Variants in LYRM4 observed in about 807,000 individuals in gnomAD.
The protein encoded by LYRM4 is LYR motif-containing protein 4.
In LYRM4, 9 loss-of-function variants were observed where a neutral mutation model predicts 11.7. The observed-to-expected ratio is 0.77, with a 90% confidence interval of 0.46 to 1.34. The LOEUF (loss-of-function observed/expected upper bound fraction) is 1.34, where lower values mean the gene tolerates loss of function less well. Ranked by LOEUF, LYRM4 falls within the 40% of genes most tolerant of loss-of-function variation. LYRM4 has a pLI of 0.00. For synonymous variants in LYRM4, 42 were observed against 40.4 expected (o/e 1.04, Z -0.15); for missense variants, 133 against 112.5 (o/e 1.18, Z -0.82).
the LYRM4 span, among the ~76,000 whole-genome samples, chr6:5,054,744 A>G: frequency 2.6e-5 from 4 of 152,274 alleles, no homozygotes; most frequent in Admixed American, 2.6e-4. Context: ...ACTGACCAAC[A>G]TTAACATTGA....
intron 1 of LYRM4, among the ~76,000 whole-genome samples, chr6:5,250,531 TG>T (rs200920366): frequency 0.021 from 3,207 of 152,220 alleles, 101 homozygotes; most frequent in African/African-American, 0.072. Flanking sequence ...GAGAAAAAAA[TG>T]TTTTTTGGAA....
intron 2 of LYRM4, chr6:5,187,126 G>T: frequency 1.5e-6 from 1 of 666,528 alleles, no homozygotes; most frequent in South Asian, 6.7e-5. Flanking sequence ...CATGCTAATA[G>T]CACAAAATAT....
chr6:5,139,225 C>T (rs1757276231), intron 2 of LYRM4, among the ~76,000 whole-genome samples: 1 of 152,212 alleles, frequency 6.6e-6, no homozygotes, highest in Admixed American at 6.5e-5. Flanking sequence ...CAGCCCAGTG[C>T]CTCTGATCTT....
intron 2 of LYRM4, among the ~76,000 whole-genome samples, chr6:5,159,344 G>A (rs1758614470): frequency 3.3e-5 from 5 of 152,232 alleles, no homozygotes; most frequent in Admixed American, 3.3e-4. Context: ...CTGAGTCATA[G>A]TGAGAGGGAA....
At chr6:5,090,446 G>A in the LYRM4 span, among the ~76,000 whole-genome samples, 1 of 152,216 alleles carries the variant, frequency 6.6e-6, no homozygotes, top group East Asian at 1.9e-4. The surrounding 1 kb of genome is among the most constrained non-coding windows in gnomAD (Gnocchi z 4.8). Context: ...GCTCCAGGAA[G>A]TGTACGGTGG....
intron 2 of LYRM4, among the ~76,000 whole-genome samples, chr6:5,169,527 T>C (rs1168758162): frequency 6.6e-6 from 1 of 152,216 alleles, no homozygotes; most frequent in Non-Finnish European, 1.5e-5. Context: ...GCATGGGTTC[T>C]AAGGTTACAA....
the LYRM4 span, among the ~76,000 whole-genome samples, chr6:5,091,080 C>T: frequency 6.6e-6 from 1 of 152,188 alleles, no homozygotes; most frequent in Non-Finnish European, 1.5e-5. Flanking sequence ...AAAGAATATG[C>T]TGTGACTTGT....
At chr6:5,083,165 CCTT>C in the LYRM4 span, among the ~76,000 whole-genome samples, 1 of 152,228 alleles carries the variant, frequency 6.6e-6, no homozygotes, top group Admixed American at 6.5e-5. Flanking sequence ...TCCCTCACCT[CCTT>C]CTCTGTCCTG....
the LYRM4 span, among the ~76,000 whole-genome samples, chr6:5,075,173 G>A: frequency 6.6e-6 from 1 of 152,168 alleles, no homozygotes; most frequent in East Asian, 1.9e-4. Context: ...CTGCAGAACC[G>A]TGATCCAGTT....
At chr6:5,098,463 A>G in the LYRM4 span, among the ~76,000 whole-genome samples, 1 of 152,168 alleles carries the variant, frequency 6.6e-6, no homozygotes, top group Non-Finnish European at 1.5e-5. Context: ...CCATTTACAC[A>G]TACCCTCGGA....
In LYRM4 at chr6:5,144,385, T is replaced by C. The variant is rs1326304653; in HGVS notation, c.208-34894A>G. The C allele has an allele frequency of 1.2e-5, 13 of 1,097,242 alleles. No individual in the cohort carries two copies. The Admixed American group carries it at 1.3e-4, about 11-fold the overall frequency. The allele number at this position is 1,097,242 out of a possible 1,614,324, so 68.0% of individuals were successfully genotyped here. On this transcript the variant is annotated intron_variant, in intron 2 of 2. Coordinates refer to ENST00000330636, the MANE Select transcript of LYRM4 (RefSeq NM_020408.6). ...GGGTGCGGTGGCTGAAGCCTGTAAT[T>C]CCAGCACTTTGGGAGGCTGAGGCGG...
chr6:5,186,456 T>C, intron 2 of LYRM4: 1 of 686,918 alleles, frequency 1.5e-6, no homozygotes, highest in Non-Finnish European at 1.8e-6. Context: ...AAATGTCTCC[T>C]TATTCCATAA....
At chr6:5,134,051 A>T (rs1764077664) in intron 2 of LYRM4, among the ~76,000 whole-genome samples, 1 of 152,232 alleles carries the variant, frequency 6.6e-6, no homozygotes, top group Non-Finnish European at 1.5e-5. Flanking sequence ...TATTGAAAAT[A>T]GTGCTGCTGT....
At chr6:5,259,896 G>A (rs190127071) in intron 1 of LYRM4, among the ~76,000 whole-genome samples, 1 of 152,292 alleles carries the variant, frequency 6.6e-6, no homozygotes, top group African/African-American at 2.4e-5. Flanking sequence ...TGAAAGCAGA[G>A]GCTCTGAATT....
intron 1 of LYRM4, among the ~76,000 whole-genome samples, chr6:5,231,031 C>T (rs1005190380): frequency 1.3e-5 from 2 of 152,168 alleles, no homozygotes; most frequent in African/African-American, 4.8e-5. Flanking sequence ...AATCCCAGCA[C>T]TTTGTGAGGC....
chr6:5,086,322 A>T, the LYRM4 span: 1 of 1,535,706 alleles, frequency 6.5e-7, no homozygotes. Flanking sequence ...AGCCAGAGGC[A>T]CCGTCTGGGG....
At chr6:5,110,706 T>C (rs183030967) in intron 2 of LYRM4, among the ~76,000 whole-genome samples, 2 of 151,990 alleles carry the variant, frequency 1.3e-5, no homozygotes, top group Admixed American at 1.3e-4. Context: ...CCAAAAGAGG[T>C]AGGTAGGAGT....
chr6:5,142,681 C>A (rs899235661), intron 2 of LYRM4, among the ~76,000 whole-genome samples: 1 of 152,218 alleles, frequency 6.6e-6, no homozygotes, highest in Admixed American at 6.5e-5. Context: ...AGGCCATGCA[C>A]CTTTTCATTT....
downstream of LYRM4, among the ~76,000 whole-genome samples, chr6:5,098,829 T>G (rs9405797): frequency 6.6e-6 from 1 of 152,306 alleles, no homozygotes; most frequent in East Asian, 1.9e-4. Context: ...TTCCACTTGG[T>G]TAGGTACTCA....
Sources: allele counts gnomAD v4.1 joint callset (sites outside exome capture counted in the v4.1 genomes callset), GRCh38; gene constraint gnomAD v4.1.1; non-coding constraint Gnocchi (gnomAD v3.1); transcripts MANE v1.5; gene names NCBI Gene and HGNC (gene_info 2026-07-23, HGNC 2026-07-21).